Variants in ZNF3 observed in about 807,000 individuals in gnomAD.
ZNF3 encodes zinc finger protein 3.
Under a neutral mutation model 36.9 loss-of-function variants are expected in ZNF3, and 16 were observed. That is an observed-to-expected ratio of 0.43 (90% CI 0.29 to 0.66). The LOEUF (loss-of-function observed/expected upper bound fraction) is 0.66. Among genes scored for constraint, ZNF3 ranks in the 30% least tolerant of loss-of-function variants. ZNF3 has a pLI of 0.13. For missense variants in ZNF3, 462 were observed against 543.1 expected (o/e 0.85, Z 1.48); for synonymous variants, 201 against 201.9 (o/e 1.00, Z 0.04).
chr7:100,074,956 G>A (rs573134534), intron 5 of ZNF3, among the ~76,000 whole-genome samples, 179 bp downstream of exon 5: 1 of 152,190 alleles, frequency 6.6e-6, no homozygotes, highest in Non-Finnish European at 1.5e-5. Context: ...GGAGGCAGAG[G>A]TGAGAACCTG....
intron 1 of ZNF3, among the ~76,000 whole-genome samples, chr7:100,080,350 G>A (rs1266765988): frequency 1.3e-5 from 2 of 152,060 alleles, no homozygotes; most frequent in African/African-American, 4.8e-5. Flanking sequence ...AATGACTGGC[G>A]ACCTGCAGTG....
intron 5 of ZNF3, among the ~76,000 whole-genome samples, chr7:100,074,446 A>G (rs13221677): frequency 1.3e-5 from 2 of 151,840 alleles, no homozygotes; most frequent in Admixed American, 1.3e-4. Flanking sequence ...AATTTTTTGG[A>G]TATTTGGTAG....
rs1794670433 is a variant in ZNF3, at chr7:100,079,538, G to A, written c.-79C>T. On this transcript the variant is annotated splice_region_variant and 5_prime_UTR_variant, in exon 2 of 6. Coordinates refer to ENST00000299667, the MANE Select transcript of ZNF3 (RefSeq NM_032924.5). ...GAACAAGACACGGAAAGCTTTACCT[G>A]CCTGATTCTTTCCTTCCTTCTTTGA... The A allele has an allele frequency of 6.6e-6, 1 of 152,178 alleles. No individual in the cohort carries two copies. The highest frequency in any genetic ancestry group is 2.4e-5 in the African/African-American group (1 of 41,420). The allele number at this position is 152,178 out of a possible 1,614,324, so 9.4% of individuals were successfully genotyped here. A position where few individuals can be genotyped will look rare whatever the true frequency, so the allele number is the denominator to read the frequency against.
chr7:100,067,707 A>G (rs1232329113), downstream of ZNF3, among the ~76,000 whole-genome samples: 1 of 152,106 alleles, frequency 6.6e-6, no homozygotes, highest in East Asian at 1.9e-4. Flanking sequence ...CAGCTGATTA[A>G]TACATGAAAA....
At position 100,070,887 on chromosome 7, in the gene ZNF3, A is replaced by C. The variant is rs1176201307; in HGVS notation, c.*256T>G. 7.9e-7 allele frequency: 1 copy of C among 1,260,874 alleles called. No individual in the cohort carries two copies. The highest frequency in any genetic ancestry group is 1.0e-6 in the Non-Finnish European group (1 of 1,002,708). The allele number at this position is 1,260,874 out of a possible 1,614,324, so 78.1% of individuals were successfully genotyped here. ...TCCTCTGCTGTGAGAAAAACAGTTT[A>C]GTGCAAACTCCTTTCCTAAATGGGG... On this transcript the variant is annotated 3_prime_UTR_variant, in exon 6 of 6. Transcript: ENST00000299667.
At chr7:100,076,784 C>A (rs1030558380) in intron 3 of ZNF3, among the ~76,000 whole-genome samples, 2 of 152,134 alleles carry the variant, frequency 1.3e-5, no homozygotes, top group African/African-American at 4.8e-5. Flanking sequence ...GTACTCACAA[C>A]CCCTCAAAAC....
intron 5 of ZNF3, among the ~76,000 whole-genome samples, chr7:100,074,254 G>A (rs923635209): frequency 2.6e-5 from 4 of 152,024 alleles, no homozygotes; most frequent in South Asian, 2.1e-4. Flanking sequence ...CATTGAGACC[G>A]CTACTCTCAC....
chr7:100,081,065 G>C lies in ZNF3; in HGVS notation c.-198+570C>G, dbSNP rs983330081. On this transcript the variant is annotated intron_variant, in intron 1 of 5. Coordinates refer to ENST00000299667, the MANE Select transcript of ZNF3 (RefSeq NM_032924.5). The surrounding 1 kb of genome is among the most constrained non-coding windows in gnomAD (Gnocchi z 4.3). ...ACTTCCGGAGAGAGGATCAAACCAG[G>C]AATCTAATACAACTGAAAACGGAGC... is the stretch of plus-strand genomic sequence containing the variant. Among the ~76,000 whole-genome samples the C allele has an allele frequency of 6.6e-6, 1 of 152,166 alleles. No individual in the cohort carries two copies. Among genetic ancestry groups the C allele is most frequent in the Non-Finnish European group, 1.5e-5 (1 of 68,028 alleles).
intron 2 of ZNF3, among the ~76,000 whole-genome samples, chr7:100,078,225 G>A (rs527374103): frequency 2.0e-5 from 3 of 152,012 alleles, no homozygotes; most frequent in East Asian, 3.9e-4. Context: ...GGCTGGGCAC[G>A]GTGGCTCATG....
At chr7:100,064,360 C>T (rs1305727134) in exon 6 of ZNF3, 2 of 1,614,124 alleles carry the variant, frequency 1.2e-6, no homozygotes, top group Admixed American at 1.7e-5. Context: ...GAAGCCTTAT[C>T]AGTGTAACGA....
chr7:100,063,982 A>G (rs1376381992), downstream of ZNF3: 68 of 1,614,060 alleles, frequency 4.2e-5, no homozygotes, highest in Non-Finnish European at 5.8e-5. Context: ...CAAGAAAGGT[A>G]GAGAATCAGT....
At chr7:100,069,477 G>A (rs1289496757), downstream of ZNF3, among the ~76,000 whole-genome samples, 4 of 150,972 alleles carry the variant, frequency 2.6e-5, no homozygotes, top group African/African-American at 9.7e-5. Context: ...GCTTGAACCC[G>A]GGAGGCAGAG....
intron 1 of ZNF3, among the ~76,000 whole-genome samples, chr7:100,080,726 G>T (rs749981736): frequency 3.3e-5 from 5 of 152,096 alleles, no homozygotes; most frequent in Non-Finnish European, 7.4e-5. Flanking sequence ...AGCAGGAGAA[G>T]CGCTTGAACC....
At position 100,075,179 on chromosome 7, in the gene ZNF3, T is replaced by C. The variant is rs1157225804; in HGVS notation, c.227A>G (p.Tyr76Cys). ...KRLEPAQRDL[Y>C]RDVMLENYGN... The stretch of plus-strand genomic sequence containing the variant: ...GTAATTCTCCAGCATCACATCTCTA[T>C]AGAGGTCCCTCTGAGCAGGTTCCAA... The change falls in exon 5 of 6, where the codon TAT becomes TGT. Residue 76 changes from tyrosine to cysteine, a missense_variant. Tyr to Cys is a radical substitution (Grantham distance 194). Transcript: ENST00000299667. The C allele has an allele frequency of 1.9e-6, 3 of 1,614,090 alleles. No homozygotes were observed. The highest frequency in any genetic ancestry group is 3.3e-5 in the Admixed American group (2 of 60,000).
chr7:100,064,644 T>G lies in ZNF3; in HGVS notation c.*144A>C, dbSNP rs778308019. 10 of 1,603,054 alleles carry G rather than the reference T, an allele frequency of 6.2e-6. No homozygotes were observed. The South Asian group carries it at 1.1e-4, about 18-fold the overall frequency. ...TTTCAAGCGCTCCTGTTGTTGTCGT[T>G]GTTTTAAACTTTAGAATCTGAAAAC... On this transcript the variant is annotated 3_prime_UTR_variant, in exon 6 of 6. Transcript: ENST00000413658.
chr7:100,070,569 AC>A lies in ZNF3; in HGVS notation c.*573del. ...GGCTGCTCCAAGAGCCCTAAAGGAC[AC>A]CATCATCACAGATGATGATTCTGGA... On this transcript the variant is annotated 3_prime_UTR_variant, in exon 6 of 6. Transcript: ENST00000299667. The A allele has an allele frequency of 1.0e-6, 1 of 986,248 alleles. No individual in the cohort carries two copies. 61.1% of individuals were successfully genotyped at this position (986,248 alleles called of 1,614,324 possible).
chr7:100,075,426 T>C (rs1478790893), intron 4 of ZNF3, 116 bp downstream of exon 4: 8 of 1,512,736 alleles, frequency 5.3e-6, no homozygotes, highest in Admixed American at 1.8e-5. Flanking sequence ...TGAGGGTCCA[T>C]GATTCAGCAG....
At position 100,071,117 on chromosome 7, in the gene ZNF3, G is replaced by A. The variant is rs1793061238; in HGVS notation, c.*26C>T. On this transcript the variant is annotated 3_prime_UTR_variant, in exon 6 of 6. Transcript: ENST00000299667. ...CAAGAGCTCTTGAGACTCAGGGAAAGTGAGGAAAATGGGTGTGTGGCTCTT... is the reference window on the plus strand; with the variant it reads ...CAAGAGCTCTTGAGACTCAGGGAAAATGAGGAAAATGGGTGTGTGGCTCTT... 4 of 1,549,424 alleles carry A rather than the reference G, an allele frequency of 2.6e-6. No individual in the cohort carries two copies. In the African/African-American group the frequency reaches 5.5e-5, roughly 21 times the overall value.
Position 100,070,616 on chromosome 7 carries a change from A to G in ZNF3, c.*527T>C. 1 of 989,450 alleles carries G rather than the reference A, an allele frequency of 1.0e-6. No individual in the cohort carries two copies. Among genetic ancestry groups the G allele is most frequent in the Non-Finnish European group, 1.2e-6 (1 of 832,216 alleles). The allele number at this position is 989,450 out of a possible 1,614,324, so 61.3% of individuals were successfully genotyped here. ...CTGGAATCTCTTCTACCCTCAATAA[A>G]ATAATCCCTCAATGCCAAATTTCCA... is the stretch of plus-strand genomic sequence containing the variant. On this transcript the variant is annotated 3_prime_UTR_variant, in exon 6 of 6. Coordinates refer to ENST00000299667, the MANE Select transcript of ZNF3 (RefSeq NM_032924.5).
Sources: allele counts gnomAD v4.1 joint callset (sites outside exome capture counted in the v4.1 genomes callset), GRCh38; gene constraint gnomAD v4.1.1; non-coding constraint Gnocchi (gnomAD v3.1); transcripts MANE v1.5; gene names NCBI Gene and HGNC (gene_info 2026-07-23, HGNC 2026-07-21).